Variants in MEGF11 observed in about 807,000 individuals in gnomAD.
MEGF11 encodes the protein multiple EGF like domains 11, also known as multiple epidermal growth factor-like domains protein 11.
MEGF11 carries 126 observed loss-of-function variants against 146.6 expected under a neutral mutation model. That is an observed-to-expected ratio of 0.86 (90% CI 0.74 to 1.00). The LOEUF (loss-of-function observed/expected upper bound fraction) is 1.00. Ranked by LOEUF, MEGF11 falls within the 50% of genes least tolerant of loss-of-function variation. The pLI is 0.00. For synonymous variants in MEGF11, 532 were observed against 583.4 expected, an observed-to-expected ratio of 0.91 and a Z score of 1.27; for missense variants, 1,509 against 1,521.2, an observed-to-expected ratio of 0.99 and a Z score of 0.13.
At chr15:66,146,233 T>C (rs1043941970) in intron 1 of MEGF11, among the ~76,000 whole-genome samples, 1 of 152,216 alleles carries the variant, frequency 6.6e-6, no homozygotes, top group African/African-American at 2.4e-5. Flanking sequence ...TTGAAATGTA[T>C]ACTAAATGAT....
At chr15:66,031,573 G>A (rs568353156) in intron 5 of MEGF11, among the ~76,000 whole-genome samples, 130 of 152,324 alleles carry the variant, frequency 8.5e-4, no homozygotes, top group African/African-American at 1.6e-3. Flanking sequence ...TGGGGGGATG[G>A]AGGGGTGAAG....
chr15:66,187,668 G>C (rs540051223), intron 1 of MEGF11, among the ~76,000 whole-genome samples: 1 of 139,516 alleles, frequency 7.2e-6, no homozygotes, highest in East Asian at 2.1e-4. Context: ...CGGAGGGGAG[G>C]AGCAATGGAA....
chr15:66,011,477 G>A (rs367620973), intron 5 of MEGF11, among the ~76,000 whole-genome samples: 3 of 152,160 alleles, frequency 2.0e-5, no homozygotes, highest in African/African-American at 7.2e-5. Context: ...ACATCGAGAA[G>A]TCAGAGGCAG....
chr15:66,066,084 A>G (rs1175905585), intron 5 of MEGF11, among the ~76,000 whole-genome samples: 2 of 152,214 alleles, frequency 1.3e-5, no homozygotes, highest in Non-Finnish European at 2.9e-5. Context: ...ATTTGAAGGA[A>G]AGGCATTGGA....
At chr15:66,106,960 G>T (rs2087111913) in intron 4 of MEGF11, among the ~76,000 whole-genome samples, 1 of 152,086 alleles carries the variant, frequency 6.6e-6, no homozygotes, top group South Asian at 2.1e-4. Flanking sequence ...CAACTACAGG[G>T]TTAACAGCTA....
At chr15:66,173,728 C>T (rs758786948) in intron 1 of MEGF11, among the ~76,000 whole-genome samples, 14 of 152,248 alleles carry the variant, frequency 9.2e-5, no homozygotes, top group African/African-American at 1.9e-4. Flanking sequence ...CCAGTGAGGT[C>T]GACAGGGACA....
chr15:66,087,690 T>TAGCC (rs2086165331), intron 5 of MEGF11, among the ~76,000 whole-genome samples: 1 of 152,206 alleles, frequency 6.6e-6, no homozygotes, highest in South Asian at 2.1e-4. Context: ...GGAAAGTTCA[T>TAGCC]AGCCCTAAAC....
chr15:65,961,494 A>G (rs540211529), intron 9 of MEGF11, among the ~76,000 whole-genome samples: 1 of 152,348 alleles, frequency 6.6e-6, no homozygotes, highest in East Asian at 1.9e-4. Context: ...GTCTATGACA[A>G]CCCAATTGTG....
chr15:65,907,926 G>A (rs1334891193), intron 23 of MEGF11, among the ~76,000 whole-genome samples: 2 of 152,254 alleles, frequency 1.3e-5, no homozygotes, highest in Admixed American at 6.5e-5. Flanking sequence ...CTCTGGCTAC[G>A]CTAGTTGAAG....
intron 5 of MEGF11, among the ~76,000 whole-genome samples, chr15:66,074,360 C>A (rs74022138): frequency 1.3e-5 from 2 of 152,202 alleles, no homozygotes; most frequent in East Asian, 3.8e-4. Context: ...CTAGTTCATT[C>A]ATTTTAACTG....
At chr15:66,159,747 A>G (rs370819241) in intron 1 of MEGF11, among the ~76,000 whole-genome samples, 2 of 152,074 alleles carry the variant, frequency 1.3e-5, no homozygotes. Context: ...CCTTTTGGGG[A>G]AGGGGGATGC....
chr15:66,193,105 G>A (rs544333936), intron 1 of MEGF11, among the ~76,000 whole-genome samples: 2 of 152,296 alleles, frequency 1.3e-5, no homozygotes, highest in South Asian at 2.1e-4. Flanking sequence ...CAAACTGTCA[G>A]TATACAAAGG....
intron 10 of MEGF11, among the ~76,000 whole-genome samples, chr15:65,952,731 C>T (rs2080452839): frequency 6.6e-6 from 1 of 152,224 alleles, no homozygotes; most frequent in Non-Finnish European, 1.5e-5. Flanking sequence ...CAGGGAATTT[C>T]ATTCCCATTT....
At chr15:65,987,497 T>C (rs1225023893) in intron 5 of MEGF11, among the ~76,000 whole-genome samples, 1 of 152,196 alleles carries the variant, frequency 6.6e-6, no homozygotes, top group East Asian at 1.9e-4. Context: ...TTTTCTATTG[T>C]GGTAAAAGAT....
At chr15:66,226,854 C>T (rs1335427261) in intron 1 of MEGF11, among the ~76,000 whole-genome samples, 1 of 152,062 alleles carries the variant, frequency 6.6e-6, no homozygotes, top group Non-Finnish European at 1.5e-5. Context: ...AGCGCATGCA[C>T]ACTCACACAC....
At chr15:66,128,067 T>C (rs1161440804) in intron 2 of MEGF11, among the ~76,000 whole-genome samples, 1 of 152,220 alleles carries the variant, frequency 6.6e-6, no homozygotes, top group African/African-American at 2.4e-5. Flanking sequence ...GAAGTGCTAG[T>C]GCAGGGAGGG....
intron 5 of MEGF11, among the ~76,000 whole-genome samples, chr15:65,998,494 C>T (rs1282611978): frequency 3.9e-5 from 6 of 152,170 alleles, no homozygotes; most frequent in Non-Finnish European, 7.3e-5. Flanking sequence ...TAAATTACAG[C>T]GCCCCTCTTT....
At chr15:66,220,534 T>C (rs1425685270) in intron 1 of MEGF11, among the ~76,000 whole-genome samples, 1 of 150,178 alleles carries the variant, frequency 6.7e-6, no homozygotes, top group South Asian at 2.1e-4. Flanking sequence ...GGGTTTTTTT[T>C]TTTTTTTTTT....
chr15:66,216,427 A>C (rs566722519), intron 1 of MEGF11, among the ~76,000 whole-genome samples: 1 of 152,230 alleles, frequency 6.6e-6, no homozygotes, highest in East Asian at 1.9e-4. Context: ...TCAGCCAGAG[A>C]TCTTCCTAAT....
Sources: gnomAD v4.1 joint callset for allele counts (sites outside exome capture counted in the v4.1 genomes callset) on GRCh38, gnomAD v4.1.1 for gene constraint, MANE v1.5 for transcripts, NCBI Gene and HGNC (gene_info 2026-07-23, HGNC 2026-07-21) for gene names.